DNAJB13: variants seen among roughly 807,000 people sequenced by gnomAD.
The protein encoded by DNAJB13 is dnaJ homolog subfamily B member 13.
In DNAJB13, 22 loss-of-function variants were observed where a neutral mutation model predicts 35.6. The observed-to-expected ratio is 0.62, with a 90% confidence interval of 0.44 to 0.88. The LOEUF (loss-of-function observed/expected upper bound fraction) is 0.88, where lower values mean the gene tolerates loss of function less well. Among genes scored for constraint, DNAJB13 ranks in the 40% least tolerant of loss-of-function variants. The pLI, the probability that DNAJB13 is intolerant of heterozygous loss-of-function variation, is 0.00. For missense variants in DNAJB13, 370 were observed against 384.3 expected, an observed-to-expected ratio of 0.96 and a Z score of 0.31; for synonymous variants, 136 against 144.2, an observed-to-expected ratio of 0.94 and a Z score of 0.41.
rs377643013 is a variant in DNAJB13, at chr11:73,954,032, A to ATAT, written c.68+2897_68+2898insTTA. 3.9e-3 allele frequency among the ~76,000 whole-genome samples: 560 copies of ATAT among 145,268 alleles called. 4 individuals carry two copies. The highest frequency in any genetic ancestry group is 0.017 in the South Asian group (77 of 4,640). ...AATAATAATAATAATAATAATAATAATAATAATAATGGCTGGACACAGTGG... is the reference window on the plus strand; with the variant it reads ...AATAATAATAATAATAATAATAATAATATTAATAATAATGGCTGGACACAGTGG... On this transcript the variant is annotated intron_variant, in intron 1 of 7. Transcript: ENST00000339764.
At chr11:73,961,010 G>A (rs1184787116) in intron 3 of DNAJB13, among the ~76,000 whole-genome samples, 1 of 152,206 alleles carries the variant, frequency 6.6e-6, no homozygotes, top group Non-Finnish European at 1.5e-5. Flanking sequence ...ACCGAGGCCA[G>A]GTGTGGTGGC....
rs778523226 is a variant in DNAJB13 at position 73,964,806 on chromosome 11, T to TGCGCGC, written c.335-71_335-70insCGCGCG. 83 of 729,926 alleles carry TGCGCGC rather than the reference T, an allele frequency of 1.1e-4. 3 individuals are homozygous for TGCGCGC. The highest frequency in any genetic ancestry group is 9.8e-4 in the African/African-American group (40 of 40,982). 45.2% of individuals were successfully genotyped at this position (729,926 alleles called of 1,614,324 possible). The stretch of plus-strand genomic sequence containing the variant: ...GTGTGTGTGTGTGTGTGTGTGTGTG[T>TGCGCGC]GTGTGTGCGCGCGCGCGCATGTCTG... On this transcript the variant is annotated intron_variant, in intron 3 of 7. Transcript: ENST00000339764.
At chr11:73,960,438 T>C (rs1171489623) in intron 3 of DNAJB13, among the ~76,000 whole-genome samples, 2 of 152,234 alleles carry the variant, frequency 1.3e-5, no homozygotes, top group Admixed American at 1.3e-4. Context: ...CACCTCTGCC[T>C]CCCAAAGTGC....
Position 73,965,010 on chromosome 11 carries a change from C to A in DNAJB13, c.467C>A (p.Thr156Asn). ...CTGGAGGACTTATTCTTTGGCTGCA[C>A]CAAAAAAATTAAGATCTCCAGAAGG... is the stretch of plus-strand genomic sequence containing the variant. The part of the protein sequence containing the change: ...LSLEDLFFGC[T>N]KKIKISRRVL... Residue 156 changes from threonine (T) to asparagine (N), a missense_variant, in exon 4 of 8, where the codon ACC (threonine) becomes AAC (asparagine). Physicochemically the swap from Thr to Asn is moderately conservative, Grantham distance 65 (BLOSUM62 0). Coordinates refer to ENST00000339764, the MANE Select transcript of DNAJB13 (RefSeq NM_153614.4). 1 of 1,592,618 alleles carries A rather than the reference C, an allele frequency of 6.3e-7. No individual in the cohort carries two copies. The highest frequency in any genetic ancestry group is 8.5e-7 in the Non-Finnish European group (1 of 1,171,986).
intron 5 of DNAJB13, 63 bp downstream of exon 5, chr11:73,966,314 G>A (rs1387222665): frequency 2.1e-6 from 3 of 1,423,820 alleles, no homozygotes; most frequent in African/African-American, 2.8e-5. Context: ...AGACTGAGGA[G>A]GAAAGGAAGG....
chr11:73,951,954 G>T (rs1950597037), intron 1 of DNAJB13, among the ~76,000 whole-genome samples: 1 of 148,248 alleles, frequency 6.7e-6, no homozygotes, highest in Admixed American at 6.7e-5. Context: ...CCAAAAACAT[G>T]TTTTTTTTTT....
intron 3 of DNAJB13, among the ~76,000 whole-genome samples, chr11:73,961,326 G>C (rs183089438): frequency 6.6e-6 from 1 of 152,102 alleles, no homozygotes; most frequent in Non-Finnish European, 1.5e-5. Context: ...GAAAGGCCTG[G>C]GTGAGAAGGC....
chr11:73,968,256 A>G (rs1453312658), intron 5 of DNAJB13, 89 bp from the exon 6 acceptor site: 4 of 1,152,306 alleles, frequency 3.5e-6, no homozygotes, highest in Admixed American at 1.8e-5. Flanking sequence ...CATTGTACAG[A>G]TGAAGACATG....
In DNAJB13 at chr11:73,966,455, G is replaced by A. The variant is rs373571509; in HGVS notation, c.606+204G>A. On this transcript the variant is annotated intron_variant, in intron 5 of 7. Transcript: ENST00000339764. Reference sequence around the variant, plus strand: ...AGCCTTAGCCTTACAGTGCTTCTGTGAACAGGCAGCCCAGGGACTGTCCCC... The same window carrying A: ...AGCCTTAGCCTTACAGTGCTTCTGTAAACAGGCAGCCCAGGGACTGTCCCC... 2.0e-4 allele frequency among the ~76,000 whole-genome samples: 30 copies of A among 152,226 alleles called. 1 individual carries two copies. In the East Asian group the frequency reaches 2.3e-3, roughly 12 times the overall value.
intron 3 of DNAJB13, 84 bp from the exon 4 acceptor site, chr11:73,964,794 T>G: frequency 5.2e-6 from 5 of 957,756 alleles, no homozygotes; most frequent in East Asian, 2.6e-5. Flanking sequence ...TGTGTGTGTG[T>G]GTGTGTGTGT....
intron 1 of DNAJB13, among the ~76,000 whole-genome samples, chr11:73,954,485 C>T (rs1363532159): frequency 6.6e-6 from 1 of 150,888 alleles, no homozygotes; most frequent in Admixed American, 6.6e-5. Context: ...AAAAAAATAG[C>T]CGGGCGTGGT....
chr11:73,966,328 A>G (rs1951115327), intron 5 of DNAJB13, 77 bp downstream of exon 5: 3 of 1,383,592 alleles, frequency 2.2e-6, no homozygotes, highest in Non-Finnish European at 3.0e-6. Flanking sequence ...AGGAAGGGAA[A>G]GGAGGCAATA....
intron 5 of DNAJB13, 155 bp from the exon 6 acceptor site, chr11:73,968,190 T>C (rs1405739015): frequency 3.0e-6 from 2 of 663,834 alleles, no homozygotes; most frequent in Non-Finnish European, 5.4e-6. Flanking sequence ...CTAATCCATC[T>C]GGGCTATGGG....
chr11:73,953,794 T>G (rs61197259), intron 1 of DNAJB13, among the ~76,000 whole-genome samples: 11,930 of 151,628 alleles, frequency 0.079, 585 homozygotes, highest in African/African-American at 0.13. Flanking sequence ...CTCTCTTCCC[T>G]CAAGACCATC....
intron 3 of DNAJB13, chr11:73,963,829 CTT>C (rs1951005272): frequency 6.6e-6 from 1 of 152,182 alleles, no homozygotes; most frequent in African/African-American, 2.4e-5. Flanking sequence ...TATGAAAACT[CTT>C]AACCATAGCG....
intron 1 of DNAJB13, among the ~76,000 whole-genome samples, chr11:73,957,159 C>T (rs1950771205): frequency 6.6e-6 from 1 of 152,238 alleles, no homozygotes; most frequent in Admixed American, 6.5e-5. Flanking sequence ...TCCTTGCCCT[C>T]AGCCTTCCAC....
chr11:73,970,272 C>T lies in DNAJB13; in HGVS notation c.*158C>T. 1.1e-6 allele frequency: 1 copy of T among 930,324 alleles called. No homozygotes were observed. Among genetic ancestry groups the T allele is most frequent in the Non-Finnish European group, 1.5e-6 (1 of 664,576 alleles). 57.6% of individuals were successfully genotyped at this position (930,324 alleles called of 1,614,324 possible). A position where few individuals can be genotyped will look rare whatever the true frequency, so the allele number is the denominator to read the frequency against. On this transcript the variant is annotated 3_prime_UTR_variant, in exon 8 of 8. Transcript: ENST00000339764. Reference sequence around the variant, plus strand: ...AACTGACATAATAAAGATCTATTTCCTGTCCTCCAGCTACACCCACGAGAG... The same window carrying T: ...AACTGACATAATAAAGATCTATTTCTTGTCCTCCAGCTACACCCACGAGAG...
chr11:73,966,118 C>T lies in DNAJB13; in HGVS notation c.493-20C>T, dbSNP rs1383641704. 4 of 1,604,648 alleles carry T rather than the reference C, an allele frequency of 2.5e-6. No homozygotes were observed. The highest frequency in any genetic ancestry group is 1.1e-5 in the South Asian group (1 of 88,934). ...TGGAAGTCCTAAGCAGACCTCCCCA[C>T]ACCTGATATGTTGCTATAGGTGCTG... is the stretch of plus-strand genomic sequence containing the variant. On this transcript the variant is annotated intron_variant, in intron 4 of 7. Coordinates refer to ENST00000339764, the MANE Select transcript of DNAJB13 (RefSeq NM_153614.4).
chr11:73,956,803 C>CAAAAA (rs1163341948), intron 1 of DNAJB13, among the ~76,000 whole-genome samples: 2 of 75,890 alleles, frequency 2.6e-5, no homozygotes, highest in African/African-American at 9.0e-5. Flanking sequence ...AACTCCATCT[C>CAAAAA]AAAAAAAAAA....
Sources: gnomAD v4.1 joint callset for allele counts (sites outside exome capture counted in the v4.1 genomes callset) on GRCh38, gnomAD v4.1.1 for gene constraint, MANE v1.5 for transcripts, NCBI Gene and HGNC (gene_info 2026-07-23, HGNC 2026-07-21) for gene names.